The following FYB2 variants were observed in gnomAD, a reference collection of about 807,000 sequenced individuals.
The protein encoded by FYB2 is FYN binding protein 2, also known as FYN-binding protein 2.
Under a neutral mutation model 94.1 loss-of-function variants are expected in FYB2, and 103 were observed. That is an observed-to-expected ratio of 1.09 (90% CI 0.93 to 1.29). FYB2 has a LOEUF of 1.29. FYB2 is among the 50% of genes most tolerant of loss of function. FYB2 has a pLI of 0.00. For synonymous variants in FYB2, 293 were observed against 287.9 expected, an observed-to-expected ratio of 1.02 and a Z score of -0.18; for missense variants, 896 against 841.5, an observed-to-expected ratio of 1.06 and a Z score of -0.80.
chr1:56,765,955 G>A (rs1301979645), intron 5 of FYB2, among the ~76,000 whole-genome samples: 1 of 152,162 alleles, frequency 6.6e-6, no homozygotes, highest in East Asian at 1.9e-4. Flanking sequence ...CTTGCAGGGG[G>A]GTGGATTCTA....
At chr1:56,725,736 C>A (rs558132588) in intron 16 of FYB2, among the ~76,000 whole-genome samples, 39 of 152,184 alleles carry the variant, frequency 2.6e-4, no homozygotes, top group African/African-American at 9.1e-4. Flanking sequence ...CCAATGCCAT[C>A]CTCTGAATCT....
intron 4 of FYB2, among the ~76,000 whole-genome samples, chr1:56,772,233 A>T (rs528322443): frequency 4.9e-4 from 75 of 152,268 alleles, no homozygotes; most frequent in South Asian, 1.2e-3. Context: ...AAGATGTCTA[A>T]TCAATTTCTT....
intron 15 of FYB2, among the ~76,000 whole-genome samples, chr1:56,732,734 A>G (rs1243306089): frequency 6.6e-6 from 1 of 151,512 alleles, no homozygotes; most frequent in Non-Finnish European, 1.5e-5. Flanking sequence ...GGGGAAGTAC[A>G]GTCTTTTCAG....
Position 56,730,280 on chromosome 1 carries a change from G to A in FYB2, c.1794-3697C>T, listed in dbSNP as rs530839231. Among the ~76,000 whole-genome samples, 313 of 138,880 alleles carry A rather than the reference G, an allele frequency of 2.3e-3. 1 individual carries two copies. Among genetic ancestry groups the A allele is most frequent in the African/African-American group, 7.9e-3 (303 of 38,130 alleles). The allele number at this position is 138,880 out of a possible 152,430, so 91.1% of individuals were successfully genotyped here. ...AACAAAATTGACAAACCATTACCTA[G>A]ACTAGAGAGAGAGATGGGGTGAGAA... is the stretch of plus-strand genomic sequence containing the variant. On this transcript the variant is annotated intron_variant, in intron 15 of 19. Coordinates refer to ENST00000343433, the MANE Select transcript of FYB2 (RefSeq NM_001004303.5).
chr1:56,817,229 T>C (rs953681052), intron 1 of FYB2, among the ~76,000 whole-genome samples: 1 of 152,224 alleles, frequency 6.6e-6, no homozygotes, highest in Non-Finnish European at 1.5e-5. Context: ...CTTCACTTCC[T>C]CCAGCTCCAG....
chr1:56,787,549 C>A (rs1467233357), intron 3 of FYB2, among the ~76,000 whole-genome samples: 1 of 152,188 alleles, frequency 6.6e-6, no homozygotes. Flanking sequence ...ATGTTTGTTT[C>A]AAATAAACTT....
intron 16 of FYB2, among the ~76,000 whole-genome samples, chr1:56,726,111 T>C (rs1180599992): frequency 6.6e-6 from 1 of 152,102 alleles, no homozygotes; most frequent in Admixed American, 6.6e-5. Context: ...TACTATATGA[T>C]ACCTAACTTT....
In FYB2 at chr1:56,788,786, G is replaced by A. The variant is rs1044106103; in HGVS notation, c.919+187C>T. 2.0e-5 allele frequency: 15 copies of A among 752,152 alleles called. No individual in the cohort carries two copies. The Admixed American group carries it at 2.2e-4, about 11-fold the overall frequency. The allele number at this position is 752,152 out of a possible 1,614,324, so 46.6% of individuals were successfully genotyped here. A position where few individuals can be genotyped will look rare whatever the true frequency, so the allele number is the denominator to read the frequency against. Reference sequence around the variant, plus strand: ...AGGGGAAGTGGGCTGGTCTAGGAGCGATAAAGGGCCAATTCCCACAGAGAC... The same window carrying A: ...AGGGGAAGTGGGCTGGTCTAGGAGCAATAAAGGGCCAATTCCCACAGAGAC... On this transcript the variant is annotated intron_variant, in intron 3 of 19. Coordinates refer to ENST00000343433, the MANE Select transcript of FYB2 (RefSeq NM_001004303.5).
intron 1 of FYB2, among the ~76,000 whole-genome samples, chr1:56,795,176 ACT>A: frequency 6.6e-6 from 1 of 151,614 alleles, no homozygotes; most frequent in Non-Finnish European, 1.5e-5. Flanking sequence ...CTCATTCTAC[ACT>A]CTGTCTCTGA....
intron 1 of FYB2, among the ~76,000 whole-genome samples, chr1:56,815,270 C>G (rs1312340637): frequency 6.6e-6 from 1 of 152,136 alleles, no homozygotes; most frequent in African/African-American, 2.4e-5. Flanking sequence ...AATGCCACTT[C>G]CTCCTCCTCT....
intron 15 of FYB2, among the ~76,000 whole-genome samples, chr1:56,728,426 A>T (rs1318387228): frequency 6.6e-6 from 1 of 152,164 alleles, no homozygotes; most frequent in Non-Finnish European, 1.5e-5. Flanking sequence ...TGATACAGAT[A>T]TGAAAGCCAC....
chr1:56,781,137 C>T (rs541003053), intron 4 of FYB2, among the ~76,000 whole-genome samples: 3 of 152,254 alleles, frequency 2.0e-5, no homozygotes, highest in African/African-American at 4.8e-5. Context: ...TTAAAACTAG[C>T]CTTAAGTGAT....
chr1:56,817,260 G>A (rs11206922), intron 1 of FYB2, among the ~76,000 whole-genome samples: 24,466 of 152,076 alleles, frequency 0.16, 2,491 homozygotes, highest in African/African-American at 0.29. Context: ...AAACACCCAC[G>A]ACCTTCTGCC....
At chr1:56,731,267 C>G (rs1488757101) in intron 15 of FYB2, among the ~76,000 whole-genome samples, 1 of 152,092 alleles carries the variant, frequency 6.6e-6, no homozygotes, top group African/African-American at 2.4e-5. Context: ...GATCTCAGAC[C>G]TACCTCTGTA....
chr1:56,820,998 C>T (rs1209970894), upstream of FYB2, among the ~76,000 whole-genome samples: 1 of 151,648 alleles, frequency 6.6e-6, no homozygotes, highest in Non-Finnish European at 1.5e-5. Flanking sequence ...GCTGTGTAGA[C>T]TCTGCTCCCA....
At chr1:56,787,911 C>G (rs1416418095) in intron 3 of FYB2, among the ~76,000 whole-genome samples, 2 of 152,202 alleles carry the variant, frequency 1.3e-5, no homozygotes, top group Non-Finnish European at 2.9e-5. Context: ...TGATTTGGAG[C>G]TGTCCATATC....
intron 1 of FYB2, among the ~76,000 whole-genome samples, chr1:56,815,846 C>T (rs1191043830): frequency 6.6e-6 from 1 of 152,222 alleles, no homozygotes; most frequent in Non-Finnish European, 1.5e-5. Flanking sequence ...GGCCAGCTCT[C>T]CCAGCTCAAA....
At chr1:56,808,228 C>T (rs1646689150) in intron 1 of FYB2, among the ~76,000 whole-genome samples, 1 of 152,136 alleles carries the variant, frequency 6.6e-6, no homozygotes, top group Non-Finnish European at 1.5e-5. Flanking sequence ...AGTCAACTTA[C>T]TTGACTAAGA....
chr1:56,789,484 T>G (rs1481407988), intron 2 of FYB2, among the ~76,000 whole-genome samples: 1 of 152,220 alleles, frequency 6.6e-6, no homozygotes, highest in Non-Finnish European at 1.5e-5. Flanking sequence ...TTGATTTAGA[T>G]AGCCTTAAAA....
Sources: allele counts gnomAD v4.1 joint callset (sites outside exome capture counted in the v4.1 genomes callset), GRCh38; gene constraint gnomAD v4.1.1; transcripts MANE v1.5; gene names NCBI Gene and HGNC (gene_info 2026-07-23, HGNC 2026-07-21).